Variants in ANO7 observed in about 807,000 individuals in gnomAD.
The protein encoded by ANO7 is anoctamin 7, also known as anoctamin-7.
Under a neutral mutation model 115.8 loss-of-function variants are expected in ANO7, and 114 were observed. The observed-to-expected ratio is 0.98, with a 90% CI of 0.85 to 1.15. The LOEUF is 1.15. Among genes scored for constraint, ANO7 ranks in the 50% most tolerant of loss-of-function variants. ANO7 has a pLI of 0.00. For missense variants in ANO7, 1,302 were observed against 1,201.2 expected (o/e 1.08, Z -1.24); for synonymous variants, 550 against 498.2 (o/e 1.10, Z -1.38).
chr2:241,212,222 C>T lies in ANO7; in HGVS notation c.1673+17C>T, dbSNP rs1004489850. On this transcript the variant is annotated intron_variant, in intron 16 of 24. Transcript: ENST00000674324. ...CAAGGGCAGGTTGGTGGGCACCTCT[C>T]CCTCTGGCCACAGCTTGTCCCGGCT... 1.2e-5 allele frequency: 19 copies of T among 1,589,150 alleles called. No individual in the cohort carries two copies. The highest frequency in any genetic ancestry group is 1.6e-5 in the Non-Finnish European group (19 of 1,157,250).
At chr2:241,226,045 G>GT (rs935349096), downstream of ANO7, among the ~76,000 whole-genome samples, 25 of 152,090 alleles carry the variant, frequency 1.6e-4, no homozygotes, top group African/African-American at 6.0e-4. Context: ...TGAACAAACT[G>GT]TTGTAACCAG....
At chr2:241,193,969 C>G (rs1469786753) in intron 3 of ANO7, among the ~76,000 whole-genome samples, 1 of 152,248 alleles carries the variant, frequency 6.6e-6, no homozygotes, top group East Asian at 1.9e-4. Context: ...CTCCACCTCC[C>G]AGGTTCAAGT....
chr2:241,207,621 G>A lies in ANO7; in HGVS notation c.1028G>A (p.Cys343Tyr), dbSNP rs145388383. 319 of 1,613,822 alleles carry A rather than the reference G, an allele frequency of 2.0e-4. 2 individuals carry two copies. In the African/African-American group the frequency reaches 3.9e-3, roughly 19 times the overall value. ...SKDSFEMCPL[C>Y]LDCPFWLLSS... ...GACAGCTTCGAGATGTGCCCACTTT[G>A]CCTCGACTGCCCTTTCTGGCTGCTC... Residue 343 changes from cysteine (C) to tyrosine (Y), a missense_variant, in exon 11 of 25, where the codon TGC becomes TAC. Transcript: ENST00000674324.
At chr2:241,194,814 G>A (rs1247815278) in intron 3 of ANO7, among the ~76,000 whole-genome samples, 1 of 152,238 alleles carries the variant, frequency 6.6e-6, no homozygotes, top group Non-Finnish European at 1.5e-5. Flanking sequence ...GGGAAAGACA[G>A]TATATATAGG....
intron 23 of ANO7, 52 bp from the exon 24 acceptor site, chr2:241,223,853 C>T: frequency 6.2e-7 from 1 of 1,614,036 alleles, no homozygotes; most frequent in Non-Finnish European, 8.5e-7. Flanking sequence ...TGCTCTACCT[C>T]CGGACACTGA....
chr2:241,210,565 G>T lies in ANO7; in HGVS notation c.1556G>T (p.Arg519Leu), dbSNP rs760844278. The change falls in exon 15 of 25, where the codon CGA (arginine) becomes CTA (leucine). Residue 519 changes from arginine to leucine, a missense_variant. Transcript: ENST00000674324. The stretch of plus-strand genomic sequence containing the variant: ...GTATCCCTGGCCCACGTCCTGACAC[G>T]ATGGGGTGAGTGGGCTGAGGCCGGC... ...IYVSLAHVLTRWEMHRTQTKF... is the reference protein window; with the variant it reads ...IYVSLAHVLTLWEMHRTQTKF... 6.2e-7 allele frequency: 1 copy of T among 1,613,370 alleles called. No individual in the cohort carries two copies. The highest frequency in any genetic ancestry group is 1.3e-5 in the African/African-American group (1 of 74,950).
the ANO7 span, chr2:241,235,123 G>A: frequency 2.5e-6 from 4 of 1,612,648 alleles, no homozygotes; most frequent in East Asian, 2.2e-5. Context: ...CTGCTCACCC[G>A]GTCCTCCTGC....
chr2:241,236,593 A>AG, the ANO7 span: 112 of 1,609,518 alleles, frequency 7.0e-5, no homozygotes, highest in East Asian at 1.6e-3. Context: ...CGGGGGGTGG[A>AG]GGGGGGCACA....
At chr2:241,201,449 T>C (rs1282617090) in intron 7 of ANO7, 94 bp downstream of exon 7, 2 of 1,407,326 alleles carry the variant, frequency 1.4e-6, no homozygotes, top group Non-Finnish European at 1.9e-6. Flanking sequence ...AAAGGCCTGC[T>C]TGAGACCAGA....
chr2:241,233,704 C>G, the ANO7 span: 1 of 1,115,994 alleles, frequency 9.0e-7, no homozygotes, highest in Non-Finnish European at 1.3e-6. The surrounding 1 kb of genome is among the most constrained non-coding windows in gnomAD (Gnocchi z 4.3). Flanking sequence ...GAGAGACTTG[C>G]CACTCTCAAC....
chr2:241,236,459 G>A, the ANO7 span: 1 of 738,160 alleles, frequency 1.4e-6, no homozygotes, highest in Non-Finnish European at 2.3e-6. Flanking sequence ...GTCCAGCCGA[G>A]AAGCACAGCC....
At chr2:241,223,396 C>A in intron 22 of ANO7, 120 bp downstream of exon 22, 3 of 1,206,742 alleles carry the variant, frequency 2.5e-6, no homozygotes, top group South Asian at 1.2e-5. Flanking sequence ...TCATCTTGGT[C>A]AAATCAGAGC....
the ANO7 span, among the ~76,000 whole-genome samples, chr2:241,234,464 T>C: frequency 1.3e-5 from 2 of 152,178 alleles, no homozygotes; most frequent in African/African-American, 2.4e-5. Context: ...ACTGACACCA[T>C]GTGAGGTTCA....
chr2:241,196,838 C>CGTGTGTGTGT (rs60120827), intron 4 of ANO7, among the ~76,000 whole-genome samples: 2 of 146,920 alleles, frequency 1.4e-5, no homozygotes, highest in South Asian at 2.2e-4. Context: ...TCAATTCATT[C>CGTGTGTGTGT]GTGTGTGTGT....
At chr2:241,192,609 G>A (rs974187583) in intron 3 of ANO7, among the ~76,000 whole-genome samples, 7 of 152,170 alleles carry the variant, frequency 4.6e-5, no homozygotes, top group African/African-American at 7.2e-5. Flanking sequence ...GGACTGTGGG[G>A]TGGGGCTTTG....
rs754929135 is a variant in ANO7, at chr2:241,203,505, C to CT, written c.889+7_889+8insT. On this transcript the variant is annotated splice_region_variant and intron_variant, in intron 9 of 24. Transcript: ENST00000674324. The surrounding 1 kb of genome is among the most constrained non-coding windows in gnomAD (Gnocchi z 4.8). ...CTCTACTTCGCCTGGCTCGGTGAGT[C>CT]CCCCCCGCTGCCCCCCAGACCACCT... 6.1e-6 allele frequency: 9 copies of CT among 1,464,250 alleles called. No homozygotes were observed. In the African/African-American group the frequency reaches 1.0e-4, roughly 17 times the overall value. The allele number at this position is 1,464,250 out of a possible 1,614,324, so 90.7% of individuals were successfully genotyped here. A position where few individuals can be genotyped will look rare whatever the true frequency, so the allele number is the denominator to read the frequency against.
At chr2:241,202,670 G>A (rs2068499501) in intron 8 of ANO7, among the ~76,000 whole-genome samples, 1 of 152,242 alleles carries the variant, frequency 6.6e-6, no homozygotes, top group Non-Finnish European at 1.5e-5. Flanking sequence ...GCCAAAGCGG[G>A]CACTGACCAG....
At chr2:241,220,826 C>G (rs1424139063) in intron 21 of ANO7, among the ~76,000 whole-genome samples, 1 of 147,996 alleles carries the variant, frequency 6.8e-6, no homozygotes, top group Non-Finnish European at 1.5e-5. Flanking sequence ...CAAACAAAAC[C>G]TGGCTGTGGC....
At chr2:241,236,409 C>T in the ANO7 span, 2 of 597,222 alleles carry the variant, frequency 3.3e-6, no homozygotes, top group Admixed American at 6.1e-5. Context: ...CTATAGAACC[C>T]CGAGCCTTGG....
Sources: gnomAD v4.1 joint callset for allele counts (sites outside exome capture counted in the v4.1 genomes callset) on GRCh38, gnomAD v4.1.1 for gene constraint, Gnocchi (gnomAD v3.1) non-coding constraint, MANE v1.5 for transcripts, NCBI Gene and HGNC (gene_info 2026-07-23, HGNC 2026-07-21) for gene names.